LAMA4: variants seen among roughly 807,000 people sequenced by gnomAD.
LAMA4 encodes the protein laminin subunit alpha 4.
LAMA4 carries 127 observed loss-of-function variants against 207.1 expected under a neutral mutation model. That is an observed-to-expected ratio of 0.61 (90% confidence interval 0.53 to 0.71). LAMA4 has a LOEUF of 0.71. Ranked by LOEUF, LAMA4 falls within the 30% of genes least tolerant of loss-of-function variation. The pLI is 0.00. For synonymous variants in LAMA4, 761 were observed against 816.0 expected, an observed-to-expected ratio of 0.93 and a Z score of 1.15; for missense variants, 2,093 against 2,246.5, an observed-to-expected ratio of 0.93 and a Z score of 1.38.
intron 2 of LAMA4, chr6:112,219,305 C>T (rs998341541): frequency 6.6e-6 from 1 of 152,160 alleles, no homozygotes; most frequent in East Asian, 1.9e-4. Flanking sequence ...CCTGTGAAAG[C>T]TGAATGGATT....
chr6:112,136,404 G>T (rs1779349572), intron 24 of LAMA4, 150 bp from the exon 25 acceptor site: 2 of 712,372 alleles, frequency 2.8e-6, no homozygotes, highest in Non-Finnish European at 4.7e-6. Context: ...AAATAAAAGT[G>T]ACAGTGTCTG....
At chr6:112,168,979 G>A (rs1052621016) in intron 12 of LAMA4, among the ~76,000 whole-genome samples, 1 of 152,060 alleles carries the variant, frequency 6.6e-6, no homozygotes, top group Non-Finnish European at 1.5e-5. Context: ...AAATGTGCAC[G>A]GTCTCCAGTG....
chr6:112,205,418 C>A (rs1784003078), intron 4 of LAMA4, among the ~76,000 whole-genome samples: 1 of 152,032 alleles, frequency 6.6e-6, no homozygotes, highest in South Asian at 2.1e-4. Flanking sequence ...AGGAGTAGAG[C>A]CAAGATCTGA....
chr6:112,197,025 A>G (rs1175041754), intron 5 of LAMA4, among the ~76,000 whole-genome samples: 3 of 152,204 alleles, frequency 2.0e-5, no homozygotes, highest in African/African-American at 7.2e-5. Context: ...CTCTGTAAAT[A>G]AGGATGAAAA....
In LAMA4 at chr6:112,174,117, C is replaced by T. The variant is rs76129619; in HGVS notation, c.1357+1196G>A. ...CTTCCATTGATTGTGTAGATTAAAC[C>T]AATTGTTTGCAGCTCTTCCAATCAA... is the stretch of plus-strand genomic sequence containing the variant. On this transcript the variant is annotated intron_variant, in intron 11 of 38. Coordinates refer to ENST00000230538, the MANE Select transcript of LAMA4 (RefSeq NM_001105206.3). Among the ~76,000 whole-genome samples the T allele has an allele frequency of 1.9e-3, 282 of 151,670 alleles. 1 individual carries two copies. Among genetic ancestry groups the T allele is most frequent in the African/African-American group, 6.3e-3 (259 of 41,314 alleles).
Position 112,185,114 on chromosome 6 carries a change from A to G in LAMA4, c.1077+123T>C, listed in dbSNP as rs1782604885. The G allele has an allele frequency of 5.2e-6, 4 of 763,298 alleles. No homozygotes were observed. In the Admixed American group the frequency reaches 5.3e-5, roughly 10 times the overall value. The allele number at this position is 763,298 out of a possible 1,614,324, so 47.3% of individuals were successfully genotyped here. ...GTCTGGTCTTGATTTATTTTAAGGC[A>G]CATGGGTCACTGCATTTTTTCTGGG... On this transcript the variant is annotated intron_variant, in intron 9 of 38. Coordinates refer to ENST00000230538, the MANE Select transcript of LAMA4 (RefSeq NM_001105206.3).
At chr6:112,133,259 G>C in intron 27 of LAMA4, 90 bp downstream of exon 27, 3 of 1,387,438 alleles carry the variant, frequency 2.2e-6, no homozygotes, top group Admixed American at 1.7e-5. Flanking sequence ...GTGTACCTAG[G>C]ATCAGAGAGA....
chr6:112,216,011 C>T (rs537829412), intron 3 of LAMA4, among the ~76,000 whole-genome samples: 1 of 152,162 alleles, frequency 6.6e-6, no homozygotes, highest in East Asian at 1.9e-4. Flanking sequence ...TTATGTGGAA[C>T]GAAGCCAAAC....
At chr6:112,236,733 C>T (rs1785951686) in intron 2 of LAMA4, 1 of 152,124 alleles carries the variant, frequency 6.6e-6, no homozygotes, top group Non-Finnish European at 1.5e-5. Flanking sequence ...TTTTAATTCG[C>T]ATGGAAAACT....
chr6:112,249,682 A>G (rs1787289416), intron 2 of LAMA4, among the ~76,000 whole-genome samples: 2 of 152,148 alleles, frequency 1.3e-5, no homozygotes, highest in Admixed American at 1.3e-4. Context: ...ATTTGTCATG[A>G]AAGTTACTGG....
intron 8 of LAMA4, 109 bp downstream of exon 8, chr6:112,187,341 G>A (rs1554347016): frequency 2.4e-6 from 3 of 1,254,918 alleles, no homozygotes; most frequent in Non-Finnish European, 3.5e-6. Context: ...CTAACAACCT[G>A]TAATACAGGT....
intron 13 of LAMA4, among the ~76,000 whole-genome samples, chr6:112,160,206 G>A (rs573694576): frequency 1.3e-5 from 2 of 152,174 alleles, no homozygotes; most frequent in South Asian, 4.2e-4. Flanking sequence ...CAAAACCAAT[G>A]AACAGGTATT....
chr6:112,216,770 CAGTAAGGGAGAA>C, intron 2 of LAMA4: 1 of 381,588 alleles, frequency 2.6e-6, no homozygotes, highest in African/African-American at 2.1e-5. Context: ...TATTACGTAA[CAGTAAGGGAGAA>C]AAAAATGCTA....
rs372274416 is a variant in LAMA4 at position 112,234,093 on chromosome 6, G to A, written c.196-17624C>T. ...GGCTTGAAAGTTAGGAATCTTGGAA[G>A]CAGTAATAATTTTCAAGTTATAACT... On this transcript the variant is annotated intron_variant, in intron 2 of 38. Transcript: ENST00000230538. The A allele has an allele frequency of 7.2e-5, 11 of 152,236 alleles. No homozygotes were observed. In the South Asian group the frequency reaches 2.1e-3, roughly 29 times the overall value. The allele number at this position is 152,236 out of a possible 1,614,324, so 9.4% of individuals were successfully genotyped here.
intron 7 of LAMA4, among the ~76,000 whole-genome samples, 176 bp from the exon 8 acceptor site, chr6:112,187,777 A>G (rs1782781904): frequency 1.3e-5 from 2 of 152,206 alleles, no homozygotes; most frequent in Non-Finnish European, 2.9e-5. Context: ...TAGCTAGTGA[A>G]GATGGCTATT....
intron 5 of LAMA4, among the ~76,000 whole-genome samples, chr6:112,195,322 C>T (rs782494483): frequency 2.0e-5 from 3 of 152,144 alleles, no homozygotes; most frequent in Non-Finnish European, 2.9e-5. Flanking sequence ...GCTAGGAAAA[C>T]GTATGTAACC....
chr6:112,248,978 ATAG>A (rs1787215807), intron 2 of LAMA4, among the ~76,000 whole-genome samples: 2 of 152,370 alleles, frequency 1.3e-5, no homozygotes, highest in East Asian at 3.9e-4. Context: ...TTGATGGGAC[ATAG>A]TAGAAGTCAA....
At chr6:112,163,472 G>GTAGA (rs1302567507) in intron 13 of LAMA4, among the ~76,000 whole-genome samples, 18 of 152,330 alleles carry the variant, frequency 1.2e-4, no homozygotes, top group African/African-American at 4.3e-4. Flanking sequence ...GCTAGCCAGG[G>GTAGA]TAGAGGCCAT....
At chr6:112,168,114 C>T (rs1310415837) in intron 12 of LAMA4, among the ~76,000 whole-genome samples, 6 of 150,910 alleles carry the variant, frequency 4.0e-5, no homozygotes, top group South Asian at 2.1e-4. Context: ...AGGAGAATGG[C>T]ACGAACCCGG....
Sources: allele counts gnomAD v4.1 joint callset (sites outside exome capture counted in the v4.1 genomes callset), GRCh38; gene constraint gnomAD v4.1.1; transcripts MANE v1.5; gene names NCBI Gene and HGNC (gene_info 2026-07-23, HGNC 2026-07-21).